Variants in DGKI observed in about 807,000 individuals in gnomAD.
The protein encoded by DGKI is diacylglycerol kinase iota, also known as DAG kinase iota.
Under a neutral mutation model 147.5 loss-of-function variants are expected in DGKI, and 55 were observed. The observed-to-expected ratio is 0.37, with a 90% CI of 0.30 to 0.47. The LOEUF (loss-of-function observed/expected upper bound fraction) is 0.47. Among genes scored for constraint, DGKI ranks in the 20% least tolerant of loss-of-function variants. The pLI is 1.00. For synonymous variants in DGKI, 469 were observed against 477.1 expected (o/e 0.98, Z 0.22); for missense variants, 1,007 against 1,323.8 (o/e 0.76, Z 3.71).
chr7:137,450,628 A>T (rs925264693), intron 27 of DGKI, among the ~76,000 whole-genome samples: 1 of 152,172 alleles, frequency 6.6e-6, no homozygotes, highest in Non-Finnish European at 1.5e-5. Flanking sequence ...AGGCTAAGGC[A>T]GGAGAATCAG....
At position 137,752,699 on chromosome 7, in the gene DGKI, C is replaced by T. The variant is rs1042491858; in HGVS notation, c.402-62697G>A. Among the ~76,000 whole-genome samples the T allele has an allele frequency of 3.9e-5, 6 of 152,156 alleles. No homozygotes were observed. In the South Asian group the frequency reaches 6.2e-4, roughly 16 times the overall value. On this transcript the variant is annotated intron_variant, in intron 1 of 32. Coordinates refer to ENST00000614521, the MANE Select transcript of DGKI (RefSeq NM_001321708.2). The stretch of plus-strand genomic sequence containing the variant: ...GTCACATAACCCCTGCTTGCTCAAT[C>T]GATCACGACCCTCTCACATGGACCC...
intron 27 of DGKI, among the ~76,000 whole-genome samples, chr7:137,451,156 T>A (rs1450251287): frequency 6.6e-6 from 1 of 151,968 alleles, no homozygotes; most frequent in African/African-American, 2.4e-5. Flanking sequence ...AAAACAGATA[T>A]CTGTGTTTGA....
chr7:137,573,493 C>T (rs780360340), intron 17 of DGKI, among the ~76,000 whole-genome samples: 1 of 152,198 alleles, frequency 6.6e-6, no homozygotes, highest in Non-Finnish European at 1.5e-5. Flanking sequence ...CAACCTCAGC[C>T]TGCCAGGTTC....
chr7:137,801,651 C>G (rs1448067660), intron 1 of DGKI, among the ~76,000 whole-genome samples: 1 of 152,184 alleles, frequency 6.6e-6, no homozygotes, highest in African/African-American at 2.4e-5. Context: ...GGATGGAGAT[C>G]AGTCTCTTTT....
chr7:137,572,919 G>A (rs1437185062), intron 17 of DGKI, 81 bp from the exon 18 acceptor site: 1 of 944,870 alleles, frequency 1.1e-6, no homozygotes, highest in African/African-American at 1.7e-5. Context: ...TTTGACAATA[G>A]TACACACCAT....
intron 6 of DGKI, 47 bp downstream of exon 6, chr7:137,645,425 A>G: frequency 6.4e-7 from 1 of 1,552,452 alleles, no homozygotes; most frequent in Non-Finnish European, 8.8e-7. Flanking sequence ...TTGCTTGCAG[A>G]GGCCTGGGGA....
At chr7:137,639,692 G>C (rs186301018) in intron 6 of DGKI, among the ~76,000 whole-genome samples, 2 of 152,168 alleles carry the variant, frequency 1.3e-5, no homozygotes, top group South Asian at 4.2e-4. Flanking sequence ...AGGGCCCCAG[G>C]GTGACCAGGG....
intron 28 of DGKI, among the ~76,000 whole-genome samples, chr7:137,417,063 T>A (rs772963648): frequency 6.6e-6 from 1 of 152,166 alleles, no homozygotes; most frequent in Non-Finnish European, 1.5e-5. Flanking sequence ...CAACTCCAGA[T>A]AATAACCTTC....
intron 14 of DGKI, among the ~76,000 whole-genome samples, chr7:137,582,434 C>CTCTATATA (rs954743154): frequency 8.8e-4 from 131 of 148,428 alleles, no homozygotes; most frequent in African/African-American, 3.1e-3. Flanking sequence ...CTCTCTCTCT[C>CTCTATATA]TATATATATA....
At chr7:137,590,328 A>C (rs903027212) in intron 12 of DGKI, among the ~76,000 whole-genome samples, 2 of 152,210 alleles carry the variant, frequency 1.3e-5, no homozygotes, top group Non-Finnish European at 2.9e-5. Flanking sequence ...AAGCCCAGAA[A>C]GCCTCACTCT....
At position 137,470,576 on chromosome 7, in the gene DGKI, T is replaced by A. The variant is rs186534768; in HGVS notation, c.2374-957A>T. Among the ~76,000 whole-genome samples the A allele has an allele frequency of 1.1e-4, 17 of 152,240 alleles. No individual in the cohort carries two copies. In the East Asian group the frequency reaches 3.3e-3, roughly 29 times the overall value. On this transcript the variant is annotated intron_variant, in intron 23 of 32. Transcript: ENST00000614521. ...TAATTTTTATTTCATTTATATTTTATTTTTTGAGACAGGCTGTCTTCCAGG... is the reference window on the plus strand; with the variant it reads ...TAATTTTTATTTCATTTATATTTTAATTTTTGAGACAGGCTGTCTTCCAGG...
At chr7:137,449,979 C>T (rs961527570) in intron 27 of DGKI, among the ~76,000 whole-genome samples, 11 of 152,068 alleles carry the variant, frequency 7.2e-5, no homozygotes, top group Admixed American at 3.9e-4. Context: ...CTGTCATTTG[C>T]AACAACATCA....
chr7:137,671,917 A>G (rs1359116045), intron 3 of DGKI, among the ~76,000 whole-genome samples: 1 of 152,272 alleles, frequency 6.6e-6, no homozygotes, highest in Non-Finnish European at 1.5e-5. Flanking sequence ...AAAGCAAAGC[A>G]GTACCTATTA....
intron 20 of DGKI, among the ~76,000 whole-genome samples, chr7:137,543,211 CA>C (rs1379495018): frequency 6.6e-6 from 1 of 152,098 alleles, no homozygotes; most frequent in East Asian, 1.9e-4. Context: ...ATGTGTCTTC[CA>C]ATGAGGACTT....
intron 29 of DGKI, among the ~76,000 whole-genome samples, chr7:137,409,063 T>G (rs1490569790): frequency 6.6e-6 from 1 of 152,170 alleles, no homozygotes; most frequent in Admixed American, 6.5e-5. Context: ...ATGACTATAG[T>G]TAATAATATA....
chr7:137,539,351 G>C (rs749046987), intron 20 of DGKI, among the ~76,000 whole-genome samples: 2 of 152,282 alleles, frequency 1.3e-5, no homozygotes, highest in Non-Finnish European at 2.9e-5. Context: ...AGACCAGAAA[G>C]TACCAGGGAT....
chr7:137,588,050 G>A (rs1585259551), intron 12 of DGKI, among the ~76,000 whole-genome samples: 1 of 152,164 alleles, frequency 6.6e-6, no homozygotes, highest in East Asian at 1.9e-4. Context: ...CCTAAGAATT[G>A]TGTAACTGTA....
chr7:137,601,563 G>A (rs1819992748), intron 10 of DGKI, among the ~76,000 whole-genome samples: 1 of 152,218 alleles, frequency 6.6e-6, no homozygotes, highest in African/African-American at 2.4e-5. Flanking sequence ...GAGTAATCAT[G>A]AGCATTTATA....
intron 1 of DGKI, among the ~76,000 whole-genome samples, chr7:137,839,400 G>T (rs1184623026): frequency 6.6e-6 from 1 of 152,140 alleles, no homozygotes; most frequent in Admixed American, 6.5e-5. Context: ...ATTTGATGAT[G>T]TTCTGTATTT....
Sources: allele counts gnomAD v4.1 joint callset (sites outside exome capture counted in the v4.1 genomes callset), GRCh38; gene constraint gnomAD v4.1.1; transcripts MANE v1.5; gene names NCBI Gene and HGNC (gene_info 2026-07-23, HGNC 2026-07-21).